Variants in PPP2R5C observed in about 807,000 individuals in gnomAD.
PPP2R5C encodes protein phosphatase 2 regulatory subunit B'gamma, also known as serine/threonine-protein phosphatase 2A 56 kDa regulatory subunit gamma isoform.
Under a neutral mutation model 68.9 loss-of-function variants are expected in PPP2R5C, and 7 were observed. That is an observed-to-expected ratio of 0.10 (90% CI 0.06 to 0.19). The LOEUF (loss-of-function observed/expected upper bound fraction) is 0.19. PPP2R5C is among the 10% of genes least tolerant of loss of function. The pLI, the probability that PPP2R5C is intolerant of heterozygous loss-of-function variation, is 1.00. For missense variants in PPP2R5C, 348 were observed against 641.3 expected (o/e 0.54, Z 4.94); for synonymous variants, 210 against 222.2 (o/e 0.95, Z 0.49).
intron 1 of PPP2R5C, among the ~76,000 whole-genome samples, chr14:101,837,367 C>G (rs7159403): frequency 0.21 from 32,347 of 151,920 alleles, 3,986 homozygotes; most frequent in African/African-American, 0.34. Context: ...GGCTAGTCCT[C>G]AACTCCCGAT....
chr14:101,921,219 A>G (rs971283455), intron 13 of PPP2R5C: 3 of 235,844 alleles, frequency 1.3e-5, no homozygotes, highest in Non-Finnish European at 2.6e-5. Flanking sequence ...CGGCACCACC[A>G]CACTCAGCTG....
At chr14:101,886,646 C>T (rs2044539054) in intron 5 of PPP2R5C, among the ~76,000 whole-genome samples, 1 of 152,172 alleles carries the variant, frequency 6.6e-6, no homozygotes, top group Admixed American at 6.5e-5. Flanking sequence ...ACTACCTCCT[C>T]ATTTCATGTG....
intron 1 of PPP2R5C, among the ~76,000 whole-genome samples, chr14:101,815,103 C>T (rs930478647): frequency 1.5e-4 from 23 of 152,136 alleles, no homozygotes; most frequent in African/African-American, 4.8e-4. Context: ...TCTGAATCTG[C>T]CCAACACTGT....
intron 1 of PPP2R5C, among the ~76,000 whole-genome samples, chr14:101,811,317 T>C (rs2039346391): frequency 6.6e-6 from 1 of 152,152 alleles, no homozygotes. Flanking sequence ...CAAAATGTAA[T>C]TGTTTGGATT....
At chr14:101,863,257 G>A (rs891388008) in intron 2 of PPP2R5C, among the ~76,000 whole-genome samples, 2 of 151,650 alleles carry the variant, frequency 1.3e-5, no homozygotes, top group Non-Finnish European at 2.9e-5. Context: ...GTAGCGAGCC[G>A]AGATTGAGCC....
intron 1 of PPP2R5C, among the ~76,000 whole-genome samples, chr14:101,829,124 G>A (rs1467468624): frequency 6.6e-6 from 1 of 152,082 alleles, no homozygotes; most frequent in African/African-American, 2.4e-5. Flanking sequence ...CTGGTATTTA[G>A]TGGAACTCTG....
chr14:101,767,584 A>G (rs1447795020), intron 2 of PPP2R5C, among the ~76,000 whole-genome samples: 2 of 152,152 alleles, frequency 1.3e-5, no homozygotes, highest in East Asian at 3.8e-4. Flanking sequence ...TTTTTTCCAT[A>G]CAACCCTAAG....
At chr14:101,796,252 G>A (rs2038603003) in intron 3 of PPP2R5C, among the ~76,000 whole-genome samples, 1 of 152,252 alleles carries the variant, frequency 6.6e-6, no homozygotes, top group Admixed American at 6.5e-5. Flanking sequence ...AAAATGGACT[G>A]TGCGGAAGTT....
At position 101,917,702 on chromosome 14, in the gene PPP2R5C, C is replaced by T. The variant is rs1255298638; in HGVS notation, c.1327-129C>T. On this transcript the variant is annotated intron_variant, in intron 12 of 13. Transcript: ENST00000334743. This position sits in a 1 kb window ranked among gnomAD's most constrained non-coding sequence, Gnocchi z 4.4. ...ATGTTGCAGGTGTAGGCGAGTCTCC[C>T]ACTGAGTGGGCTTCCTGCGGGAGAG... 1.5e-6 allele frequency: 2 copies of T among 1,298,024 alleles called. No homozygotes were observed. Among genetic ancestry groups the T allele is most frequent in the Non-Finnish European group, 2.1e-6 (2 of 941,734 alleles). The allele number at this position is 1,298,024 out of a possible 1,614,324, so 80.4% of individuals were successfully genotyped here.
rs2040237622 is a variant in PPP2R5C at position 101,823,876 on chromosome 14, A to T, written c.94+13840A>T. The T allele has an allele frequency of 3.2e-6, 4 of 1,252,834 alleles. No homozygotes were observed. In the South Asian group the frequency reaches 5.3e-5, roughly 17 times the overall value. The allele number at this position is 1,252,834 out of a possible 1,614,324, so 77.6% of individuals were successfully genotyped here. On this transcript the variant is annotated intron_variant, in intron 1 of 13. Coordinates refer to ENST00000334743, the Ensembl canonical transcript of PPP2R5C. Reference sequence around the variant, plus strand: ...GTGGTGTAGAGTGCAGTGCAGCTGAAACCAGGTTAGTTGATCTTATGGTGT... The same window carrying T: ...GTGGTGTAGAGTGCAGTGCAGCTGATACCAGGTTAGTTGATCTTATGGTGT...
intron 13 of PPP2R5C, among the ~76,000 whole-genome samples, chr14:101,923,803 G>GGATTTGTTGTCA (rs2047140840): frequency 6.7e-6 from 1 of 148,246 alleles, no homozygotes; most frequent in African/African-American, 2.6e-5. Flanking sequence ...GCAAAAATTT[G>GGATTTGTTGTCA]AACTTTACAT....
chr14:101,884,916 A>G (rs1304362262), intron 5 of PPP2R5C, among the ~76,000 whole-genome samples: 5 of 152,270 alleles, frequency 3.3e-5, no homozygotes, highest in Non-Finnish European at 7.3e-5. Flanking sequence ...GTGAATGTCA[A>G]TAGAGGAAAC....
intron 1 of PPP2R5C, among the ~76,000 whole-genome samples, chr14:101,849,770 C>T (rs538985696): frequency 1.7e-5 from 2 of 121,078 alleles, no homozygotes; most frequent in East Asian, 4.2e-4. Context: ...CCCAACACAA[C>T]GTGTTGAAAG....
chr14:101,827,748 G>A (rs1180998937), intron 1 of PPP2R5C, among the ~76,000 whole-genome samples: 1 of 152,130 alleles, frequency 6.6e-6, no homozygotes, highest in Non-Finnish European at 1.5e-5. Context: ...GTGCTAAGGA[G>A]GGCACCCCAG....
chr14:101,876,634 C>T (rs1396526802), intron 2 of PPP2R5C, among the ~76,000 whole-genome samples: 1 of 152,192 alleles, frequency 6.6e-6, no homozygotes, highest in East Asian at 1.9e-4. Context: ...TGGAGAACAT[C>T]TGCAGGACTG....
intron 2 of PPP2R5C, among the ~76,000 whole-genome samples, chr14:101,873,081 T>G (rs2043526074): frequency 1.3e-5 from 2 of 152,194 alleles, no homozygotes. Context: ...ACTTAAGCAA[T>G]TAGAGATCTG....
At chr14:101,910,198 G>A (rs1228167815) in intron 11 of PPP2R5C, among the ~76,000 whole-genome samples, 1 of 152,182 alleles carries the variant, frequency 6.6e-6, no homozygotes, top group African/African-American at 2.4e-5. Flanking sequence ...CATGTGTCCA[G>A]GGATGATCTA....
intron 1 of PPP2R5C, among the ~76,000 whole-genome samples, chr14:101,821,517 T>C (rs1374374669): frequency 6.6e-6 from 1 of 151,946 alleles, no homozygotes; most frequent in Non-Finnish European, 1.5e-5. Flanking sequence ...AATATGTATT[T>C]ATTCACAGAG....
intron 1 of PPP2R5C, among the ~76,000 whole-genome samples, chr14:101,813,645 C>A (rs920776586): frequency 2.6e-5 from 4 of 152,172 alleles, no homozygotes; most frequent in African/African-American, 7.2e-5. Context: ...TGGTAATGGC[C>A]AGAGAGGAAG....
Sources: gnomAD v4.1 joint callset for allele counts (sites outside exome capture counted in the v4.1 genomes callset) on GRCh38, gnomAD v4.1.1 for gene constraint, Gnocchi (gnomAD v3.1) non-coding constraint, MANE v1.5 for transcripts, NCBI Gene and HGNC (gene_info 2026-07-23, HGNC 2026-07-21) for gene names.